The following PRXL2C variants were observed in gnomAD, a reference collection of about 807,000 sequenced individuals.
PRXL2C encodes peroxiredoxin like 2C.
PRXL2C carries 38 observed loss-of-function variants against 24.9 expected under a neutral mutation model. The observed-to-expected ratio is 1.53, with a 90% CI of 1.18 to 2.00. The LOEUF is 2.00. Among genes scored for constraint, PRXL2C ranks in the 30% most tolerant of loss-of-function variants. The probability of loss-of-function intolerance (pLI) is 0.00; values close to 1 mark genes in which losing one functional copy is unlikely to be tolerated. For missense variants in PRXL2C, 294 were observed against 290.9 expected (o/e 1.01, Z -0.08); for synonymous variants, 98 against 117.2 (o/e 0.84, Z 1.06).
chr9:96,654,569 G>T, intron 2 of PRXL2C, 136 bp downstream of exon 2: 1 of 726,590 alleles, frequency 1.4e-6, no homozygotes, highest in Non-Finnish European at 2.3e-6. Flanking sequence ...CACTCCTTTT[G>T]GAGGGGCGAG....
chr9:96,651,666 T>C lies in PRXL2C; in HGVS notation c.308A>G (p.His103Arg), dbSNP rs1189676293. ...AATGTACTAGATATTTACCTCAATA[T>C]GATGGTAGGATGACTGTCCAATCAC... is the stretch of plus-strand genomic sequence containing the variant. ...LIVIGQSSYHHIEPFCKLTGY... is the reference protein window; with the variant it reads ...LIVIGQSSYHRIEPFCKLTGY... Residue 103 changes from histidine (H) to arginine (R), a missense_variant, in exon 3 of 6, where the codon CAT becomes CGT. Transcript: ENST00000375234. The C allele has an allele frequency of 1.2e-6, 2 of 1,609,456 alleles. No homozygotes were observed. Among genetic ancestry groups the C allele is most frequent in the Non-Finnish European group, 1.7e-6 (2 of 1,177,304 alleles).
At chr9:96,647,701 T>A (rs931221780) in intron 4 of PRXL2C, among the ~76,000 whole-genome samples, 2 of 152,236 alleles carry the variant, frequency 1.3e-5, no homozygotes, top group East Asian at 1.9e-4. Context: ...TAAAAATTTT[T>A]TTTTGTTGTT....
At chr9:96,645,407 C>A (rs545289774) in intron 5 of PRXL2C, among the ~76,000 whole-genome samples, 1 of 151,988 alleles carries the variant, frequency 6.6e-6, no homozygotes, top group South Asian at 2.1e-4. Flanking sequence ...TATACAGAAG[C>A]CTTTGAAAAC....
At chr9:96,650,892 T>C (rs1400361732) in intron 4 of PRXL2C, among the ~76,000 whole-genome samples, 2 of 152,148 alleles carry the variant, frequency 1.3e-5, no homozygotes, top group Non-Finnish European at 2.9e-5. Flanking sequence ...CTTCTGCAAC[T>C]TATTTCCATT....
intron 2 of PRXL2C, among the ~76,000 whole-genome samples, chr9:96,652,244 G>T (rs1848277492): frequency 3.9e-5 from 6 of 152,180 alleles, no homozygotes; most frequent in Admixed American, 3.9e-4. Context: ...TGGACAAAGG[G>T]CTGAGCATGG....
intron 2 of PRXL2C, among the ~76,000 whole-genome samples, chr9:96,654,486 C>CACCACAATTGTTAGTACGTTT (rs1848318957): frequency 6.6e-6 from 1 of 152,230 alleles, no homozygotes; most frequent in Non-Finnish European, 1.5e-5. Flanking sequence ...TACCAGGCAA[C>CACCACAATTGTTAGTACGTTT]ACCACAATTG....
intron 2 of PRXL2C, among the ~76,000 whole-genome samples, chr9:96,653,531 G>A (rs1193906785): frequency 6.6e-6 from 1 of 152,138 alleles, no homozygotes; most frequent in Non-Finnish European, 1.5e-5. Flanking sequence ...ACACCATGGT[G>A]ACTATAGTTA....
chr9:96,654,411 AAAT>A (rs1435376096), intron 2 of PRXL2C, among the ~76,000 whole-genome samples: 6 of 152,264 alleles, frequency 3.9e-5, no homozygotes, highest in Non-Finnish European at 7.3e-5. Context: ...AAAGGGAAGA[AAAT>A]AACCATTTCC....
chr9:96,646,510 T>C (rs553235899), intron 4 of PRXL2C, among the ~76,000 whole-genome samples: 1 of 152,360 alleles, frequency 6.6e-6, no homozygotes, highest in Admixed American at 6.5e-5. Context: ...CACAGACTGC[T>C]ACGTGTTGGT....
At chr9:96,648,288 C>T (rs952507449) in intron 4 of PRXL2C, among the ~76,000 whole-genome samples, 1 of 152,092 alleles carries the variant, frequency 6.6e-6, no homozygotes, top group African/African-American at 2.4e-5. Flanking sequence ...TAGCCTAGAA[C>T]TAAGTAATCT....
At chr9:96,648,815 C>A (rs537481043) in intron 4 of PRXL2C, among the ~76,000 whole-genome samples, 39 of 152,094 alleles carry the variant, frequency 2.6e-4, no homozygotes, top group African/African-American at 9.2e-4. Context: ...CTCTTGTTGC[C>A]CAGGCTAGAG....
intron 4 of PRXL2C, among the ~76,000 whole-genome samples, chr9:96,649,313 C>G (rs1361776129): frequency 1.3e-5 from 2 of 150,494 alleles, no homozygotes; most frequent in Non-Finnish European, 2.9e-5. Flanking sequence ...GCCTGTAACC[C>G]CAGCACTTTG....
intron 4 of PRXL2C, 104 bp downstream of exon 4, chr9:96,651,286 C>T: frequency 3.4e-6 from 3 of 884,922 alleles, no homozygotes; most frequent in Non-Finnish European, 5.1e-6. Flanking sequence ...TCAAAAAAAA[C>T]AAAAAAGCCT....
intron 2 of PRXL2C, among the ~76,000 whole-genome samples, chr9:96,653,098 C>A (rs1467972862): frequency 6.6e-6 from 1 of 151,848 alleles, no homozygotes; most frequent in African/African-American, 2.4e-5. Context: ...TGGTGGCGGG[C>A]GCCTGTTAGT....
At chr9:96,652,061 T>C (rs1439280220) in intron 2 of PRXL2C, among the ~76,000 whole-genome samples, 1 of 152,108 alleles carries the variant, frequency 6.6e-6, no homozygotes, top group African/African-American at 2.4e-5. Context: ...CAAATGGGAC[T>C]ATATCAAACT....
At position 96,641,704 on chromosome 9, in the gene PRXL2C, C is replaced by T; in HGVS notation, c.*55G>A. On this transcript the variant is annotated 3_prime_UTR_variant, in exon 6 of 6. Transcript: ENST00000375234. ...ACTGCACGAGGATATTACACCCAGGCATTGAAGGTCACATTCCAGAAGGTC... is the reference window on the plus strand; with the variant it reads ...ACTGCACGAGGATATTACACCCAGGTATTGAAGGTCACATTCCAGAAGGTC... 1.4e-6 allele frequency: 2 copies of T among 1,480,686 alleles called. No homozygotes were observed. The highest frequency in any genetic ancestry group is 1.8e-6 in the Non-Finnish European group (2 of 1,096,596). The allele number at this position is 1,480,686 out of a possible 1,614,324, so 91.7% of individuals were successfully genotyped here.
chr9:96,645,661 G>A (rs981334328), intron 5 of PRXL2C, among the ~76,000 whole-genome samples: 35 of 151,876 alleles, frequency 2.3e-4, no homozygotes, highest in Non-Finnish European at 2.6e-4. Context: ...GCCGGGCGTC[G>A]TGGCGGGCAC....
At chr9:96,652,133 G>C (rs1848276552) in intron 2 of PRXL2C, among the ~76,000 whole-genome samples, 1 of 152,216 alleles carries the variant, frequency 6.6e-6, no homozygotes, top group African/African-American at 2.4e-5. Flanking sequence ...CAGATTGAGA[G>C]AAAATATCTG....
rs1248307650 is a variant in PRXL2C at position 96,645,975 on chromosome 9, G to A, written c.471C>T (p.Ser157=). 1.9e-6 allele frequency: 3 copies of A among 1,613,636 alleles called. No homozygotes were observed. The highest frequency in any genetic ancestry group is 2.2e-5 in the East Asian group (1 of 44,878). The change falls in exon 5 of 6, where the codon AGC becomes AGT. Residue 157 remains serine (S), a synonymous_variant. Coordinates refer to ENST00000375234, the MANE Select transcript of PRXL2C (RefSeq NM_153698.2). ...GAGGGCCAGTCACTGCCCGCCACAG[G>A]CTCTGAAGGCTTCCTGAGAGTAGAT... The part of the protein sequence containing the change: ...KSNLLSGSLQ[S]LWRAVTGPLF...
Sources: gnomAD v4.1 joint callset for allele counts (sites outside exome capture counted in the v4.1 genomes callset) on GRCh38, gnomAD v4.1.1 for gene constraint, MANE v1.5 for transcripts, NCBI Gene and HGNC (gene_info 2026-07-23, HGNC 2026-07-21) for gene names.